Variants in ENTPD4 observed in about 807,000 individuals in gnomAD.
ENTPD4 encodes ectonucleoside triphosphate diphosphohydrolase 4.
Under a neutral mutation model 79.1 loss-of-function variants are expected in ENTPD4, and 60 were observed. The observed-to-expected ratio is 0.76, with a 90% CI of 0.62 to 0.94. The LOEUF is 0.94. Among genes scored for constraint, ENTPD4 ranks in the 40% least tolerant of loss-of-function variants. ENTPD4 has a pLI of 0.00. For synonymous variants in ENTPD4, 276 were observed against 292.0 expected, an observed-to-expected ratio of 0.95 and a Z score of 0.56; for missense variants, 772 against 775.1, an observed-to-expected ratio of 1.00 and a Z score of 0.05.
In ENTPD4 at chr8:23,449,608, T is replaced by C. The variant is rs149667613; in HGVS notation, c.8+285A>G. Among the ~76,000 whole-genome samples the C allele has an allele frequency of 1.2e-3, 188 of 152,350 alleles. 1 individual carries two copies. Among genetic ancestry groups the C allele is most frequent in the African/African-American group, 4.2e-3 (176 of 41,590 alleles). ...ATCAAGAACTTTTCCCCTCAGTTTA[T>C]GTCAAGAATGAGAGGCTCATTCTAG... is the stretch of plus-strand genomic sequence containing the variant. On this transcript the variant is annotated intron_variant, in intron 2 of 12. Transcript: ENST00000358689.
chr8:23,446,963 A>G (rs1322990344), intron 4 of ENTPD4, among the ~76,000 whole-genome samples: 1 of 152,224 alleles, frequency 6.6e-6, no homozygotes, highest in Non-Finnish European at 1.5e-5. Context: ...CTGCATCTCT[A>G]TTAAGATCTG....
chr8:23,435,036 G>A (rs1309076076), intron 11 of ENTPD4, among the ~76,000 whole-genome samples: 5 of 152,134 alleles, frequency 3.3e-5, no homozygotes, highest in Non-Finnish European at 5.9e-5. Context: ...ATGCATTGGC[G>A]AGGTAGGATG....
At chr8:23,453,017 T>C (rs556628647) in intron 1 of ENTPD4, among the ~76,000 whole-genome samples, 10 of 152,296 alleles carry the variant, frequency 6.6e-5, no homozygotes, top group Admixed American at 6.5e-4. Flanking sequence ...TGAGTAACTA[T>C]TGCAGGTTTC....
Position 23,429,855 on chromosome 8 carries a change from G to C in ENTPD4, c.*3071C>G. The C allele has an allele frequency of 1.0e-6, 1 of 985,466 alleles. No individual in the cohort carries two copies. The highest frequency in any genetic ancestry group is 1.2e-6 in the Non-Finnish European group (1 of 829,944). 61.0% of individuals were successfully genotyped at this position (985,466 alleles called of 1,614,324 possible). A position where few individuals can be genotyped will look rare whatever the true frequency, so the allele number is the denominator to read the frequency against. On this transcript the variant is annotated 3_prime_UTR_variant, in exon 13 of 13. Coordinates refer to ENST00000358689, the MANE Select transcript of ENTPD4 (RefSeq NM_004901.5). Reference sequence around the variant, plus strand: ...GCAAAAAGCACTGGTACAGTTCCATGTGTTTCTCTTCTACTGTAATGTCCC... The same window carrying C: ...GCAAAAAGCACTGGTACAGTTCCATCTGTTTCTCTTCTACTGTAATGTCCC...
chr8:23,429,906 A>C lies in ENTPD4; in HGVS notation c.*3020T>G. 1.0e-6 allele frequency: 1 copy of C among 985,470 alleles called. No individual in the cohort carries two copies. The highest frequency in any genetic ancestry group is 1.2e-6 in the Non-Finnish European group (1 of 829,930). The allele number at this position is 985,470 out of a possible 1,614,324, so 61.0% of individuals were successfully genotyped here. On this transcript the variant is annotated 3_prime_UTR_variant, in exon 13 of 13. Coordinates refer to ENST00000358689, the MANE Select transcript of ENTPD4 (RefSeq NM_004901.5). ...CAGAGGGATTGTGAAATGTCTGAGA[A>C]CATCCCCTGGAGGAGGTTTAAAAGT...
chr8:23,443,876 G>C lies in ENTPD4; in HGVS notation c.641C>G (p.Ala214Gly). The C allele has an allele frequency of 1.2e-6, 2 of 1,613,002 alleles. No individual in the cohort carries two copies. Among genetic ancestry groups the C allele is most frequent in the Non-Finnish European group, 1.7e-6 (2 of 1,179,034 alleles). Residue 214 changes from alanine to glycine, a missense_variant, in exon 6 of 13, where the codon GCA becomes GGA. Physicochemically the swap from Ala to Gly is moderately conservative, Grantham distance 60 (BLOSUM62 0). Transcript: ENST00000358689. ...HFDFLFSDSH[A>G]EVISGKQEGV... ...TTCTTGTTTCCCAGAAATTACTTCT[G>C]CATGAGAGTCAGAAAACAGAAAGTC...
At chr8:23,454,325 A>G (rs915996185) in intron 1 of ENTPD4, among the ~76,000 whole-genome samples, 1 of 152,238 alleles carries the variant, frequency 6.6e-6, no homozygotes, top group African/African-American at 2.4e-5. Flanking sequence ...AGAACCAAAG[A>G]AAAGACAGTT....
chr8:23,444,490 G>T lies in ENTPD4; in HGVS notation c.529C>A (p.Leu177Ile). 6.2e-7 allele frequency: 1 copy of T among 1,614,214 alleles called. No individual in the cohort carries two copies. The highest frequency in any genetic ancestry group is 1.1e-5 in the South Asian group (1 of 91,082). Residue 177 changes from leucine to isoleucine, a missense_variant, in exon 5 of 13, where the codon CTC (leucine) becomes ATC (isoleucine). Coordinates refer to ENST00000358689, the MANE Select transcript of ENTPD4 (RefSeq NM_004901.5). ...AGGATTCTCATTCCAGCCGTGCAGAGAATGTAGAGAGGTGTCTCTTTGTGT... is the reference window on the plus strand; with the variant it reads ...AGGATTCTCATTCCAGCCGTGCAGATAATGTAGAGAGGTGTCTCTTTGTGT... ...AKHKETPLYI[L>I]CTAGMRILPE...
Position 23,437,004 on chromosome 8 carries a change from T to A in ENTPD4, c.1304A>T (p.Tyr435Phe), listed in dbSNP as rs146365854. 3.7e-4 allele frequency: 605 copies of A among 1,614,062 alleles called. 3 individuals are homozygous for A. Among genetic ancestry groups the A allele is most frequent in the Admixed American group, 8.8e-4 (53 of 60,006 alleles). Residue 435 changes from tyrosine to phenylalanine, a missense_variant, in exon 10 of 13, where the codon TAC (tyrosine) becomes TTC (phenylalanine). Tyr to Phe is a conservative substitution (Grantham distance 22). Coordinates refer to ENST00000358689, the MANE Select transcript of ENTPD4 (RefSeq NM_004901.5). ...TCGTAACACATCCTCGGTGCAGTAG[T>A]AGAATTCGGAGAAGCCATAGAATTC... The part of the protein sequence containing the change: ...NSEFYGFSEF[Y>F]YCTEDVLRMG...
In ENTPD4 at chr8:23,452,155, T is replaced by C. The variant is rs927065927; in HGVS notation, c.-97-2158A>G. 1.5e-4 allele frequency among the ~76,000 whole-genome samples: 23 copies of C among 152,206 alleles called. 1 individual carries two copies. Among genetic ancestry groups the C allele is most frequent in the Admixed American group, 1.1e-3 (17 of 15,276 alleles). ...CACCCATCCTTGTCCTCTAACATAATGCGTGTCTTGTGTTTCTCTTTTTTG... is the reference window on the plus strand; with the variant it reads ...CACCCATCCTTGTCCTCTAACATAACGCGTGTCTTGTGTTTCTCTTTTTTG... On this transcript the variant is annotated intron_variant, in intron 1 of 12. Coordinates refer to ENST00000358689, the MANE Select transcript of ENTPD4 (RefSeq NM_004901.5).
chr8:23,439,453 C>T (rs1800629465), intron 9 of ENTPD4, among the ~76,000 whole-genome samples: 1 of 152,146 alleles, frequency 6.6e-6, no homozygotes. Flanking sequence ...TGAATAGCAC[C>T]ACCCAGGGCT....
At chr8:23,438,776 C>T (rs1800614707) in intron 9 of ENTPD4, among the ~76,000 whole-genome samples, 1 of 152,314 alleles carries the variant, frequency 6.6e-6, no homozygotes, top group South Asian at 2.1e-4. Context: ...ATAATTAAAA[C>T]TATTCAGTTA....
intron 3 of ENTPD4, among the ~76,000 whole-genome samples, chr8:23,448,340 C>T (rs1409821254): frequency 2.0e-5 from 3 of 152,266 alleles, no homozygotes; most frequent in African/African-American, 2.4e-5. Flanking sequence ...AGCCAAACGT[C>T]GTGAAGCCAT....
chr8:23,432,336 T>C lies in ENTPD4; in HGVS notation c.*590A>G, dbSNP rs1230571450. 1.0e-6 allele frequency: 1 copy of C among 985,460 alleles called. No individual in the cohort carries two copies. Among genetic ancestry groups the C allele is most frequent in the African/African-American group, 1.7e-5 (1 of 57,224 alleles). The allele number at this position is 985,460 out of a possible 1,614,324, so 61.0% of individuals were successfully genotyped here. On this transcript the variant is annotated 3_prime_UTR_variant, in exon 13 of 13. Coordinates refer to ENST00000358689, the MANE Select transcript of ENTPD4 (RefSeq NM_004901.5). ...CCCTCCAGTATCAAAGTGCATGTGT[T>C]TAAATTTAACATTCCTTAGAGAAAC...
In ENTPD4 at chr8:23,433,009, T is replaced by G; in HGVS notation, c.1768A>C (p.Arg590=). 1 of 1,613,940 alleles carries G rather than the reference T, an allele frequency of 6.2e-7. No individual in the cohort carries two copies. Among genetic ancestry groups the G allele is most frequent in the Non-Finnish European group, 8.5e-7 (1 of 1,179,932 alleles). ...LYLLRLRRIH[R]RTPRSSSAAA... ...GCCGAGCTGCTCCGGGGAGTGCGCC[T>G]GTGGATGCGCCGCAGCCGCAGCAGG... Residue 590 remains arginine (R), a synonymous_variant, in exon 13 of 13, where the codon AGG becomes CGG. Transcript: ENST00000358689.
chr8:23,449,242 T>C (rs551683926), intron 2 of ENTPD4, among the ~76,000 whole-genome samples: 2 of 152,198 alleles, frequency 1.3e-5, no homozygotes, highest in African/African-American at 4.8e-5. Context: ...AATTAGAGAC[T>C]GCTTACGAGA....
intron 1 of ENTPD4, among the ~76,000 whole-genome samples, chr8:23,451,537 C>T (rs188511399): frequency 3.2e-4 from 48 of 152,266 alleles, no homozygotes; most frequent in African/African-American, 1.0e-3. Flanking sequence ...CACACTCCCA[C>T]CCCTTGCTCA....
At chr8:23,443,143 C>T (rs1282366324) in intron 6 of ENTPD4, among the ~76,000 whole-genome samples, 1 of 149,430 alleles carries the variant, frequency 6.7e-6, no homozygotes, top group Admixed American at 6.7e-5. Flanking sequence ...GTTCAGATGT[C>T]ACTTTCTCCA....
chr8:23,429,730 G>A lies in ENTPD4; in HGVS notation c.*3196C>T, dbSNP rs549119016. ...GACCTACCCAGCCTTCAGGGTGGCT[G>A]GGCAGGGGCCCCATGTTACTGGCCT... On this transcript the variant is annotated 3_prime_UTR_variant, in exon 13 of 13. Coordinates refer to ENST00000358689, the MANE Select transcript of ENTPD4 (RefSeq NM_004901.5). 2.2e-5 allele frequency: 22 copies of A among 985,472 alleles called. No individual in the cohort carries two copies. The East Asian group carries it at 2.2e-3, about 97-fold the overall frequency. 61.0% of individuals were successfully genotyped at this position (985,472 alleles called of 1,614,324 possible).
Sources: gnomAD v4.1 joint callset for allele counts (sites outside exome capture counted in the v4.1 genomes callset) on GRCh38, gnomAD v4.1.1 for gene constraint, MANE v1.5 for transcripts, NCBI Gene and HGNC (gene_info 2026-07-23, HGNC 2026-07-21) for gene names.